The following PCDH9 variants were observed in gnomAD, a reference collection of about 807,000 sequenced individuals.
The protein encoded by PCDH9 is protocadherin 9.
PCDH9 carries 24 observed loss-of-function variants against 70.6 expected under a neutral mutation model. That is an observed-to-expected ratio of 0.34 (90% confidence interval 0.25 to 0.48). PCDH9 has a LOEUF of 0.48. Among genes scored for constraint, PCDH9 ranks in the 20% least tolerant of loss-of-function variants. PCDH9 has a pLI of 0.99. For synonymous variants in PCDH9, 562 were observed against 558.5 expected (o/e 1.01, Z -0.09); for missense variants, 1,281 against 1,503.6 (o/e 0.85, Z 2.45).
intron 4 of PCDH9, among the ~76,000 whole-genome samples, chr13:66,438,842 T>C (rs1470491689): frequency 6.6e-6 from 1 of 151,894 alleles, no homozygotes; most frequent in East Asian, 1.9e-4. Flanking sequence ...AGATGTAGGG[T>C]TGTTATAGCA....
intron 2 of PCDH9, among the ~76,000 whole-genome samples, chr13:66,939,707 C>A (rs936331054): frequency 2.0e-5 from 3 of 152,012 alleles, no homozygotes; most frequent in African/African-American, 7.2e-5. Context: ...CATGAGTCAC[C>A]ATGCCTGGCC....
intron 3 of PCDH9, among the ~76,000 whole-genome samples, chr13:66,781,635 A>G (rs2080000014): frequency 6.6e-6 from 1 of 152,168 alleles, no homozygotes; most frequent in Non-Finnish European, 1.5e-5. Flanking sequence ...TCTTACATGA[A>G]TTATTTTTTG....
chr13:66,561,156 G>A (rs1470507743), intron 4 of PCDH9, among the ~76,000 whole-genome samples: 3 of 152,212 alleles, frequency 2.0e-5, no homozygotes, highest in East Asian at 1.9e-4. Flanking sequence ...CCCCGCACTC[G>A]GAGCGGCCGG....
intron 4 of PCDH9, among the ~76,000 whole-genome samples, chr13:66,505,046 A>C (rs1476285346): frequency 2.0e-5 from 3 of 152,154 alleles, no homozygotes; most frequent in African/African-American, 7.2e-5. Context: ...ATTATGTATA[A>C]TTTTGAGAAA....
intron 2 of PCDH9, among the ~76,000 whole-genome samples, chr13:67,151,193 T>A (rs1340016969): frequency 5.3e-5 from 8 of 152,160 alleles, no homozygotes; most frequent in South Asian, 2.1e-4. Flanking sequence ...GCTCCTTTTT[T>A]AAAAAAAAAT....
intron 4 of PCDH9, among the ~76,000 whole-genome samples, chr13:66,491,439 TC>T (rs930803725): frequency 1.2e-4 from 11 of 95,366 alleles, no homozygotes; most frequent in African/African-American, 4.0e-4. Context: ...GAGACTGTGC[TC>T]AGTGAATATG....
intron 3 of PCDH9, among the ~76,000 whole-genome samples, chr13:66,888,426 T>A (rs2082043494): frequency 6.6e-6 from 1 of 151,738 alleles, no homozygotes; most frequent in African/African-American, 2.4e-5. Flanking sequence ...TGCTTGAGCC[T>A]GCACCAAGGA....
chr13:66,766,615 G>C lies in PCDH9; in HGVS notation c.3139-135204C>G, dbSNP rs567688659. The stretch of plus-strand genomic sequence containing the variant: ...AGAATAAGGAGGTGGAAGGGGAGGA[G>C]AGGAAAAAAATGTAGAGTTGGGAAG... On this transcript the variant is annotated intron_variant, in intron 3 of 4. Coordinates refer to ENST00000377865, the MANE Select transcript of PCDH9 (RefSeq NM_203487.3). Among the ~76,000 whole-genome samples, 3 of 151,826 alleles carry C rather than the reference G, an allele frequency of 2.0e-5. No individual in the cohort carries two copies. The South Asian group carries it at 6.2e-4, about 32-fold the overall frequency.
At chr13:66,603,853 C>T (rs2077191340) in intron 4 of PCDH9, among the ~76,000 whole-genome samples, 2 of 151,844 alleles carry the variant, frequency 1.3e-5, no homozygotes, top group Admixed American at 1.3e-4. Context: ...TATTAGCAAA[C>T]AAATCATCAG....
At chr13:66,865,179 G>T (rs1252607339) in intron 3 of PCDH9, among the ~76,000 whole-genome samples, 1 of 151,850 alleles carries the variant, frequency 6.6e-6, no homozygotes, top group Non-Finnish European at 1.5e-5. Context: ...ATTTTAAAAT[G>T]AATTTTTAGA....
At position 66,739,398 on chromosome 13, in the gene PCDH9, T is replaced by C. The variant is rs561454612; in HGVS notation, c.3139-107987A>G. 2.6e-5 allele frequency among the ~76,000 whole-genome samples: 4 copies of C among 151,108 alleles called. No individual in the cohort carries two copies. The East Asian group carries it at 7.9e-4, about 30-fold the overall frequency. Reference sequence around the variant, plus strand: ...GCCGCTGCAAAATCATGCCAAAATATAAAGACCATAGAGACTAGGAAGAAA... The same window carrying C: ...GCCGCTGCAAAATCATGCCAAAATACAAAGACCATAGAGACTAGGAAGAAA... On this transcript the variant is annotated intron_variant, in intron 3 of 4. Coordinates refer to ENST00000377865, the MANE Select transcript of PCDH9 (RefSeq NM_203487.3).
At chr13:66,692,042 C>T (rs1593902537) in intron 3 of PCDH9, among the ~76,000 whole-genome samples, 1 of 152,118 alleles carries the variant, frequency 6.6e-6, no homozygotes, top group South Asian at 2.1e-4. Flanking sequence ...ATCCTATTTA[C>T]AACTTTACAC....
intron 2 of PCDH9, among the ~76,000 whole-genome samples, chr13:66,980,833 C>T (rs7986118): frequency 0.98 from 146,360 of 148,936 alleles, 71,980 homozygotes; most frequent in Non-Finnish European, 1. Flanking sequence ...AACAAATATC[C>T]TAACTAAACC....
intron 2 of PCDH9, among the ~76,000 whole-genome samples, chr13:67,099,693 C>T (rs927656487): frequency 2.0e-5 from 3 of 152,058 alleles, no homozygotes; most frequent in Admixed American, 1.3e-4. Flanking sequence ...ACAACAGGAC[C>T]GAGCAGAACT....
intron 2 of PCDH9, among the ~76,000 whole-genome samples, chr13:67,061,856 T>G (rs2085545668): frequency 6.6e-6 from 1 of 152,168 alleles, no homozygotes; most frequent in African/African-American, 2.4e-5. Flanking sequence ...TCTTGAATCG[T>G]CTTTTGGGCA....
At chr13:67,203,119 T>C (rs2089257097) in intron 2 of PCDH9, 1 of 152,144 alleles carries the variant, frequency 6.6e-6, no homozygotes, top group Admixed American at 6.6e-5. Flanking sequence ...CTTTTGACCA[T>C]TCTCTCACAA....
chr13:66,351,130 T>C (rs1247188788), intron 4 of PCDH9, among the ~76,000 whole-genome samples: 4 of 152,180 alleles, frequency 2.6e-5, no homozygotes, highest in Non-Finnish European at 4.4e-5. Flanking sequence ...TGCCAGACAC[T>C]GTACTAAATA....
At chr13:66,456,580 T>C (rs577259608) in intron 4 of PCDH9, among the ~76,000 whole-genome samples, 2 of 152,254 alleles carry the variant, frequency 1.3e-5, no homozygotes, top group Non-Finnish European at 2.9e-5. Context: ...CTTTATGAGT[T>C]CCCTCTCTGT....
intron 4 of PCDH9, among the ~76,000 whole-genome samples, chr13:66,341,359 G>A (rs1265783498): frequency 1.3e-5 from 2 of 152,106 alleles, no homozygotes; most frequent in East Asian, 3.9e-4. Context: ...CACTCAAAGT[G>A]CTGGAATTAC....
Sources: allele counts gnomAD v4.1 joint callset (sites outside exome capture counted in the v4.1 genomes callset), GRCh38; gene constraint gnomAD v4.1.1; transcripts MANE v1.5; gene names NCBI Gene and HGNC (gene_info 2026-07-23, HGNC 2026-07-21).